ANXA4: variants seen among roughly 807,000 people sequenced by gnomAD.
The protein encoded by ANXA4 is 35-beta calcimedin.
A neutral mutation model predicts 49.8 loss-of-function variants in ANXA4; 39 were observed. The ratio of observed to expected loss-of-function variants is 0.78; its 90% confidence interval spans 0.61 to 1.02. ANXA4 has a LOEUF of 1.02. ANXA4 is among the 50% of genes least tolerant of loss of function. ANXA4 has a pLI of 0.00. For synonymous variants in ANXA4, 134 were observed against 152.5 expected (o/e 0.88, Z 0.89); for missense variants, 360 against 410.1 (o/e 0.88, Z 1.05).
chr2:69,744,075 GAGTACC>G, intron 1 of ANXA4, among the ~76,000 whole-genome samples: 1 of 152,288 alleles, frequency 6.6e-6, no homozygotes, highest in South Asian at 2.1e-4. Flanking sequence ...GTGTGCCAGG[GAGTACC>G]TGAAGTTCCA....
rs1423293875 is a variant in ANXA4, at chr2:69,804,574, A to C, written c.139A>C (p.Asn47His). 2 of 1,613,818 alleles carry C rather than the reference A, an allele frequency of 1.2e-6. No homozygotes were observed. The highest frequency in any genetic ancestry group is 2.2e-5 in the East Asian group (1 of 44,860). The change falls in exon 4 of 13, where the codon AAC (asparagine) becomes CAC (histidine). Residue 47 changes from asparagine to histidine, a missense_variant. Coordinates refer to ENST00000394295, the MANE Select transcript of ANXA4 (RefSeq NM_001153.5). ...DAIISVLAYR[N>H]TAQRQEIRTA... Reference sequence around the variant, plus strand: ...CATTATTAGCGTCCTTGCCTACCGCAACACCGCCCAGCGCCAGGAGATCAG... The same window carrying C: ...CATTATTAGCGTCCTTGCCTACCGCCACACCGCCCAGCGCCAGGAGATCAG...
At chr2:69,810,437 G>A in intron 6 of ANXA4, 157 bp from the exon 7 acceptor site, 1 of 624,630 alleles carries the variant, frequency 1.6e-6, no homozygotes, top group Non-Finnish European at 2.9e-6. Flanking sequence ...TTTTACCAGA[G>A]TTTAGTTTTT....
intron 3 of ANXA4, among the ~76,000 whole-genome samples, chr2:69,730,184 T>A (rs536247219): frequency 4.2e-4 from 62 of 146,858 alleles, no homozygotes; most frequent in African/African-American, 1.4e-3. Flanking sequence ...TACTTTTATT[T>A]AAAAAAAAAA....
At chr2:69,803,954 A>C (rs1673326072) in intron 3 of ANXA4, among the ~76,000 whole-genome samples, 1 of 152,032 alleles carries the variant, frequency 6.6e-6, no homozygotes, top group South Asian at 2.1e-4. Context: ...CCTGGTCAAC[A>C]TAGTGAAACC....
chr2:69,694,414 G>A (rs564238846), intron 2 of ANXA4, among the ~76,000 whole-genome samples: 98 of 149,700 alleles, frequency 6.5e-4, no homozygotes, highest in Non-Finnish European at 1.2e-3. Flanking sequence ...TGTGCACATC[G>A]TGCAGGTTTG....
intron 2 of ANXA4, among the ~76,000 whole-genome samples, chr2:69,661,342 A>G (rs540389487): frequency 6.6e-6 from 1 of 152,102 alleles, no homozygotes; most frequent in Non-Finnish European, 1.5e-5. Flanking sequence ...GCAAGAAACT[A>G]TTATTAAATG....
chr2:69,727,244 T>C (rs2105439865), intron 3 of ANXA4, among the ~76,000 whole-genome samples: 1 of 152,338 alleles, frequency 6.6e-6, no homozygotes, highest in South Asian at 2.1e-4. Flanking sequence ...CCTATAAAAT[T>C]CTTTGAAAAT....
intron 3 of ANXA4, among the ~76,000 whole-genome samples, chr2:69,800,733 TA>T (rs1489685080): frequency 6.6e-6 from 1 of 152,128 alleles, no homozygotes; most frequent in African/African-American, 2.4e-5. Flanking sequence ...TGCGGAGGTC[TA>T]GGGGAGTCAT....
chr2:69,748,757 C>T (rs868295240), intron 1 of ANXA4, among the ~76,000 whole-genome samples: 8 of 147,724 alleles, frequency 5.4e-5, no homozygotes, highest in African/African-American at 1.8e-4. Flanking sequence ...TTGCACAAGG[C>T]TGGAGTGTAG....
intron 1 of ANXA4, among the ~76,000 whole-genome samples, chr2:69,649,943 TTTTTTTTTTTG>T: frequency 1.5e-5 from 2 of 137,342 alleles, no homozygotes; most frequent in African/African-American, 5.6e-5. Context: ...TTTTTTTTTT[TTTTTTTTTTTG>T]AGACGGAGTC....
intron 3 of ANXA4, among the ~76,000 whole-genome samples, chr2:69,721,550 A>C (rs1250419897): frequency 2.0e-5 from 3 of 152,106 alleles, no homozygotes; most frequent in Non-Finnish European, 4.4e-5. Context: ...AAAATTGAAA[A>C]GTTAACCAGG....
chr2:69,771,812 G>A (rs544823484), intron 1 of ANXA4, among the ~76,000 whole-genome samples: 1 of 152,254 alleles, frequency 6.6e-6, no homozygotes, highest in Non-Finnish European at 1.5e-5. Flanking sequence ...TTTTCTTTAT[G>A]AATTCATTGT....
chr2:69,713,372 G>A (rs753350883), intron 2 of ANXA4, among the ~76,000 whole-genome samples: 1 of 152,094 alleles, frequency 6.6e-6, no homozygotes, highest in Non-Finnish European at 1.5e-5. Flanking sequence ...TGGATGATAA[G>A]ATTGGAAGAA....
At chr2:69,654,679 C>T (rs1035141696) in intron 2 of ANXA4, among the ~76,000 whole-genome samples, 4 of 152,104 alleles carry the variant, frequency 2.6e-5, no homozygotes, top group Non-Finnish European at 4.4e-5. Context: ...CTGCTGGATT[C>T]GGTTTGCCAG....
At chr2:69,795,916 T>C (rs1322504350) in intron 3 of ANXA4, among the ~76,000 whole-genome samples, 1 of 152,130 alleles carries the variant, frequency 6.6e-6, no homozygotes, top group East Asian at 1.9e-4. Context: ...CCCACCATGG[T>C]TGTGCTATGG....
intron 3 of ANXA4, among the ~76,000 whole-genome samples, chr2:69,734,219 A>G (rs1670183040): frequency 6.6e-6 from 1 of 152,222 alleles, no homozygotes; most frequent in Non-Finnish European, 1.5e-5. Context: ...CTCACTGGCC[A>G]GCAGCCAGAC....
Position 69,810,600 on chromosome 2 carries a change from G to A in ANXA4, c.404G>A (p.Gly135Glu). Reference sequence around the variant, plus strand: ...AATTTCACTCTCTTGCTAGAATATGGACGGAGCCTTGAAGATGACATTCGC... The same window carrying A: ...AATTTCACTCTCTTGCTAGAATATGAACGGAGCCTTGAAGATGACATTCGC... ...RISQTYQQQYGRSLEDDIRSD... is the reference protein window; with the variant it reads ...RISQTYQQQYERSLEDDIRSD... The change falls in exon 7 of 13, where the codon GGA (glycine) becomes GAA (glutamate). Residue 135 changes from glycine to glutamate, a missense_variant. Gly to Glu is a moderately conservative substitution (Grantham distance 98, BLOSUM62 -2). Transcript: ENST00000394295. The A allele has an allele frequency of 1.9e-6, 3 of 1,613,942 alleles. No individual in the cohort carries two copies. The highest frequency in any genetic ancestry group is 2.5e-6 in the Non-Finnish European group (3 of 1,179,836).
chr2:69,785,381 A>G (rs968866140), intron 2 of ANXA4, among the ~76,000 whole-genome samples: 2 of 152,230 alleles, frequency 1.3e-5, no homozygotes, highest in Non-Finnish European at 2.9e-5. Flanking sequence ...CAATTAGATT[A>G]TCAGAAAACT....
chr2:69,782,386 A>T lies in ANXA4; in HGVS notation c.9+812A>T, dbSNP rs762563758. On this transcript the variant is annotated intron_variant, in intron 2 of 12. Coordinates refer to ENST00000394295, the MANE Select transcript of ANXA4 (RefSeq NM_001153.5). Reference sequence around the variant, plus strand: ...TAATTTCTTTTGCATTAGATATTCCAGAATTTTCTTCATGATCTCTGACAG... The same window carrying T: ...TAATTTCTTTTGCATTAGATATTCCTGAATTTTCTTCATGATCTCTGACAG... 1.1e-4 allele frequency among the ~76,000 whole-genome samples: 16 copies of T among 152,238 alleles called. 1 individual carries two copies. The highest frequency in any genetic ancestry group is 1.9e-4 in the Non-Finnish European group (13 of 68,044).
Sources: allele counts gnomAD v4.1 joint callset (sites outside exome capture counted in the v4.1 genomes callset), GRCh38; gene constraint gnomAD v4.1.1; transcripts MANE v1.5; gene names NCBI Gene and HGNC (gene_info 2026-07-23, HGNC 2026-07-21).